SV2C: variants seen among roughly 807,000 people sequenced by gnomAD.
The protein encoded by SV2C is synaptic vesicle glycoprotein 2C.
Under a neutral mutation model 79.7 loss-of-function variants are expected in SV2C, and 49 were observed. The observed-to-expected ratio is 0.61, with a 90% CI of 0.49 to 0.78. SV2C has a LOEUF of 0.78. Ranked by LOEUF, SV2C falls within the 30% of genes least tolerant of loss-of-function variation. The pLI, the probability that SV2C is intolerant of heterozygous loss-of-function variation, is 0.00. For missense variants in SV2C, 833 were observed against 912.9 expected (o/e 0.91, Z 1.13); for synonymous variants, 334 against 333.2 (o/e 1.00, Z -0.03).
rs912400540 is a variant in SV2C at position 76,269,965 on chromosome 5, T to C, written c.914-15197T>C. Among the ~76,000 whole-genome samples, 4 of 152,172 alleles carry C rather than the reference T, an allele frequency of 2.6e-5. No individual in the cohort carries two copies. In the East Asian group the frequency reaches 7.7e-4, roughly 29 times the overall value. On this transcript the variant is annotated intron_variant, in intron 4 of 12. Transcript: ENST00000502798. ...TCAGTTGCAGCTAGGAACTTATTTC[T>C]GAGCCAAGATGAATGACCCAAATAG...
intron 4 of SV2C, among the ~76,000 whole-genome samples, chr5:76,212,016 T>C (rs1446696172): frequency 6.6e-6 from 1 of 152,190 alleles, no homozygotes; most frequent in Non-Finnish European, 1.5e-5. Flanking sequence ...AGGTCACTTA[T>C]GGGCCAGAGA....
the SV2C span, among the ~76,000 whole-genome samples, chr5:75,877,064 C>T: frequency 3.7e-4 from 56 of 151,792 alleles, 1 homozygote; most frequent in South Asian, 7.5e-3. Flanking sequence ...CATTTTAGAT[C>T]GAAAGATACA....
At chr5:75,877,040 A>G in the SV2C span, among the ~76,000 whole-genome samples, 3 of 152,106 alleles carry the variant, frequency 2.0e-5, no homozygotes, top group African/African-American at 7.2e-5. Flanking sequence ...ACTCTATGCT[A>G]TCTACAGAAG....
At chr5:76,204,125 A>G (rs1744536687) in intron 3 of SV2C, among the ~76,000 whole-genome samples, 1 of 152,238 alleles carries the variant, frequency 6.6e-6, no homozygotes, top group Non-Finnish European at 1.5e-5. Flanking sequence ...ATAAAGTGGA[A>G]GAGACTGAAA....
chr5:76,210,007 C>A, intron 4 of SV2C, 120 bp downstream of exon 4: 2 of 1,229,542 alleles, frequency 1.6e-6, no homozygotes, highest in Non-Finnish European at 1.1e-6. Context: ...TCATGTTTCT[C>A]CCTTTCATAG....
the SV2C span, among the ~76,000 whole-genome samples, chr5:76,077,417 A>G: frequency 6.6e-6 from 1 of 152,240 alleles, no homozygotes; most frequent in Admixed American, 6.5e-5. Flanking sequence ...ACCAATTGCA[A>G]TGTATGGTAG....
At position 76,273,146 on chromosome 5, in the gene SV2C, G is replaced by GATAT. The variant is rs369657969; in HGVS notation, c.914-11994_914-11991dup. On this transcript the variant is annotated intron_variant, in intron 4 of 12. Transcript: ENST00000502798. ...TTGCATAAAAATCTTTTACAAAAAA[G>GATAT]ATATATATATATATATATATATATA... Among the ~76,000 whole-genome samples, 827 of 129,076 alleles carry GATAT rather than the reference G, an allele frequency of 6.4e-3. 2 individuals carry two copies. The highest frequency in any genetic ancestry group is 0.019 in the South Asian group (77 of 4,126). The allele number at this position is 129,076 out of a possible 152,430, so 84.7% of individuals were successfully genotyped here. A position where few individuals can be genotyped will look rare whatever the true frequency, so the allele number is the denominator to read the frequency against.
chr5:75,897,773 A>T, the SV2C span, among the ~76,000 whole-genome samples: 3 of 151,898 alleles, frequency 2.0e-5, no homozygotes, highest in African/African-American at 7.3e-5. Context: ...CTCCTTGAAG[A>T]GGTCCTTCAC....
At chr5:76,092,894 G>C (rs1043318196) in intron 1 of SV2C, among the ~76,000 whole-genome samples, 2 of 152,022 alleles carry the variant, frequency 1.3e-5, no homozygotes, top group Non-Finnish European at 2.9e-5. Context: ...GCCCCTTGCA[G>C]CTCCAGCTGT....
chr5:76,092,483 A>G (rs1747409423), intron 1 of SV2C, among the ~76,000 whole-genome samples: 1 of 152,212 alleles, frequency 6.6e-6, no homozygotes, highest in Non-Finnish European at 1.5e-5. Context: ...ATGAAAAAGG[A>G]ACATGGCTAT....
chr5:76,161,342 G>C (rs913356190), intron 2 of SV2C, among the ~76,000 whole-genome samples: 1 of 152,120 alleles, frequency 6.6e-6, no homozygotes, highest in Admixed American at 6.5e-5. Context: ...ACAGAAAGTA[G>C]ATTATCTGTT....
chr5:75,975,704 G>A, the SV2C span, among the ~76,000 whole-genome samples: 56 of 152,240 alleles, frequency 3.7e-4, no homozygotes, highest in African/African-American at 1.3e-3. Context: ...TATATGCAGA[G>A]CCTTGGGATG....
chr5:76,225,020 C>G lies in SV2C; in HGVS notation c.913+15133C>G, dbSNP rs899890225. 2.2e-4 allele frequency among the ~76,000 whole-genome samples: 34 copies of G among 152,170 alleles called. 1 individual carries two copies. The highest frequency in any genetic ancestry group is 7.7e-4 in the African/African-American group (32 of 41,434). ...GGTCTCAAGAGAATCCAAGGGGACA[C>G]TGGGTATGGCATCTTAGCCAGTGTG... On this transcript the variant is annotated intron_variant, in intron 4 of 12. Transcript: ENST00000502798.
At chr5:76,210,009 CT>C in intron 4 of SV2C, 122 bp downstream of exon 4, 1 of 1,201,110 alleles carries the variant, frequency 8.3e-7, no homozygotes, top group South Asian at 1.6e-5. Flanking sequence ...ATGTTTCTCC[CT>C]TTCATAGTGT....
At chr5:76,105,942 C>G (rs1561217301) in intron 1 of SV2C, among the ~76,000 whole-genome samples, 1 of 152,146 alleles carries the variant, frequency 6.6e-6, no homozygotes, top group Admixed American at 6.5e-5. Flanking sequence ...GTGATCTCAT[C>G]CATTCTTGTG....
chr5:76,225,528 T>C (rs1414164562), intron 4 of SV2C, among the ~76,000 whole-genome samples: 1 of 152,092 alleles, frequency 6.6e-6, no homozygotes, highest in African/African-American at 2.4e-5. Context: ...GGAGGCAGAC[T>C]GTGATGAAAG....
At chr5:75,901,583 G>T in the SV2C span, among the ~76,000 whole-genome samples, 1 of 152,248 alleles carries the variant, frequency 6.6e-6, no homozygotes, top group Non-Finnish European at 1.5e-5. Context: ...CAGATCTCCA[G>T]CTGCATGCTG....
chr5:75,923,671 C>T, the SV2C span, among the ~76,000 whole-genome samples: 7 of 152,202 alleles, frequency 4.6e-5, no homozygotes, highest in Middle Eastern at 3.4e-3. Flanking sequence ...TGCTCAATAA[C>T]GCTAATCATC....
the SV2C span, among the ~76,000 whole-genome samples, chr5:75,974,640 T>A: frequency 6.6e-6 from 1 of 151,496 alleles, no homozygotes; most frequent in Non-Finnish European, 1.5e-5. Flanking sequence ...TCACGCCTCC[T>A]ATAACAAGAG....
Sources: gnomAD v4.1 joint callset for allele counts (sites outside exome capture counted in the v4.1 genomes callset) on GRCh38, gnomAD v4.1.1 for gene constraint, MANE v1.5 for transcripts, NCBI Gene and HGNC (gene_info 2026-07-23, HGNC 2026-07-21) for gene names.